Variants in ERBB4 observed in about 807,000 individuals in gnomAD.
ERBB4 encodes receptor tyrosine-protein kinase erbB-4.
Under a neutral mutation model 158.0 loss-of-function variants are expected in ERBB4, and 42 were observed. That is an observed-to-expected ratio of 0.27 (90% CI 0.21 to 0.34). ERBB4 has a LOEUF of 0.34. Among genes scored for constraint, ERBB4 ranks in the 10% least tolerant of loss-of-function variants. The pLI is 1.00. For missense variants in ERBB4, 1,333 were observed against 1,624.1 expected (o/e 0.82, Z 3.08); for synonymous variants, 583 against 558.7 (o/e 1.04, Z -0.61).
At chr2:211,727,068 T>C (rs1361734490) in intron 5 of ERBB4, among the ~76,000 whole-genome samples, 1 of 152,210 alleles carries the variant, frequency 6.6e-6, no homozygotes, top group African/African-American at 2.4e-5. Context: ...AGCTGAGTTA[T>C]TTTCTCACTA....
intron 2 of ERBB4, among the ~76,000 whole-genome samples, chr2:211,983,866 TA>T (rs1171547831): frequency 6.6e-6 from 1 of 152,196 alleles, no homozygotes; most frequent in Non-Finnish European, 1.5e-5. Flanking sequence ...TGATAATGTA[TA>T]AAAATGTCTA....
chr2:211,419,972 T>C (rs1275290718), intron 25 of ERBB4, among the ~76,000 whole-genome samples: 1 of 152,082 alleles, frequency 6.6e-6, no homozygotes. Flanking sequence ...CGGTTTTCTG[T>C]GTTTCTACTT....
chr2:211,482,922 T>C (rs1191938020), intron 20 of ERBB4, among the ~76,000 whole-genome samples: 2 of 151,558 alleles, frequency 1.3e-5, no homozygotes, highest in African/African-American at 4.8e-5. Flanking sequence ...AATAAATAAA[T>C]AAAAATTTAA....
intron 1 of ERBB4, among the ~76,000 whole-genome samples, chr2:212,169,137 T>C (rs2081434439): frequency 6.6e-6 from 1 of 152,136 alleles, no homozygotes; most frequent in African/African-American, 2.4e-5. Context: ...TAAGTTCACA[T>C]ACTGTTTGAC....
At chr2:212,433,086 G>T (rs1394791) in intron 1 of ERBB4, among the ~76,000 whole-genome samples, 25,327 of 151,940 alleles carry the variant, frequency 0.17, 2,446 homozygotes, top group Non-Finnish European at 0.22. Flanking sequence ...ATACAAATCC[G>T]ATACTACAGT....
rs375315067 is a variant in ERBB4, at chr2:211,388,032, G to A, written c.3136-40C>T. On this transcript the variant is annotated intron_variant, in intron 25 of 27. Coordinates refer to ENST00000342788, the MANE Select transcript of ERBB4 (RefSeq NM_005235.3). Reference sequence around the variant, plus strand: ...AAATGGAATGATGGATATAATAAGAGGCAATATGAATGAAAAAATTAAAAA... The same window carrying A: ...AAATGGAATGATGGATATAATAAGAAGCAATATGAATGAAAAAATTAAAAA... 6.4e-6 allele frequency: 9 copies of A among 1,406,076 alleles called. No individual in the cohort carries two copies. The African/African-American group carries it at 1.0e-4, about 16-fold the overall frequency. The allele number at this position is 1,406,076 out of a possible 1,614,324, so 87.1% of individuals were successfully genotyped here. A position where few individuals can be genotyped will look rare whatever the true frequency, so the allele number is the denominator to read the frequency against.
intron 3 of ERBB4, among the ~76,000 whole-genome samples, chr2:211,826,232 C>G (rs1036504048): frequency 1.3e-5 from 2 of 151,396 alleles, no homozygotes; most frequent in Non-Finnish European, 3.0e-5. Context: ...GTGCATAATC[C>G]TTCATTGCTT....
chr2:212,280,118 A>C (rs2085697419), intron 1 of ERBB4, among the ~76,000 whole-genome samples: 1 of 151,610 alleles, frequency 6.6e-6, no homozygotes, highest in Admixed American at 6.6e-5. Context: ...AAAATCCTAA[A>C]TCACAATGTG....
chr2:212,460,611 GGGTATC>G (rs1217930108), intron 1 of ERBB4, among the ~76,000 whole-genome samples: 4 of 152,146 alleles, frequency 2.6e-5, no homozygotes, highest in Admixed American at 2.6e-4. Flanking sequence ...AGATGATTTA[GGGTATC>G]TGGTGGAAGA....
At chr2:212,001,248 G>A (rs915313901) in intron 2 of ERBB4, among the ~76,000 whole-genome samples, 2 of 152,068 alleles carry the variant, frequency 1.3e-5, no homozygotes, top group African/African-American at 4.8e-5. Context: ...GGTTGCTGAA[G>A]TTATTGCTTC....
At chr2:212,459,709 T>A (rs1299357882) in intron 1 of ERBB4, among the ~76,000 whole-genome samples, 1 of 152,072 alleles carries the variant, frequency 6.6e-6, no homozygotes, top group African/African-American at 2.4e-5. Context: ...AGCTGCAGTA[T>A]CCAACATAGC....
At chr2:211,781,275 G>GA (rs974005085) in intron 4 of ERBB4, among the ~76,000 whole-genome samples, 6 of 151,980 alleles carry the variant, frequency 3.9e-5, no homozygotes, top group East Asian at 3.9e-4. Context: ...AAAAGTCACT[G>GA]AAAAAAAAGT....
At chr2:211,813,655 C>T (rs374439799) in intron 3 of ERBB4, among the ~76,000 whole-genome samples, 2 of 152,090 alleles carry the variant, frequency 1.3e-5, no homozygotes, top group East Asian at 3.9e-4. Flanking sequence ...ATTACTATTC[C>T]TATCCTACAA....
chr2:211,496,232 T>A (rs1367438128), intron 20 of ERBB4, among the ~76,000 whole-genome samples: 1 of 152,046 alleles, frequency 6.6e-6, no homozygotes. Flanking sequence ...CACTATATAC[T>A]GTTTCTAGGT....
chr2:212,275,626 C>A (rs1190963233), intron 1 of ERBB4, among the ~76,000 whole-genome samples: 1 of 151,724 alleles, frequency 6.6e-6, no homozygotes, highest in Non-Finnish European at 1.5e-5. Flanking sequence ...CAAGCAAATG[C>A]TGAGAGATTT....
intron 16 of ERBB4, among the ~76,000 whole-genome samples, chr2:211,642,528 T>C (rs1177271954): frequency 6.6e-6 from 1 of 152,138 alleles, no homozygotes; most frequent in African/African-American, 2.4e-5. Flanking sequence ...GGATGTACCA[T>C]CCATCTCTTT....
chr2:212,285,629 A>T (rs372693685), intron 1 of ERBB4, among the ~76,000 whole-genome samples: 1 of 152,298 alleles, frequency 6.6e-6, no homozygotes, highest in South Asian at 2.1e-4. Flanking sequence ...AAAAATGATT[A>T]TGACAAATAT....
At chr2:212,374,485 C>T (rs186694905) in intron 1 of ERBB4, among the ~76,000 whole-genome samples, 13,518 of 151,986 alleles carry the variant, frequency 0.089, 698 homozygotes, top group Admixed American at 0.12. Flanking sequence ...TAAAAGCAAA[C>T]GATGTGTGTG....
At chr2:212,319,891 C>T (rs559000869) in intron 1 of ERBB4, among the ~76,000 whole-genome samples, 1 of 150,300 alleles carries the variant, frequency 6.7e-6, no homozygotes, top group South Asian at 2.1e-4. Context: ...AACTTCATGT[C>T]GTTCCAAAGC....
Sources: gnomAD v4.1 joint callset for allele counts (sites outside exome capture counted in the v4.1 genomes callset) on GRCh38, gnomAD v4.1.1 for gene constraint, MANE v1.5 for transcripts, NCBI Gene and HGNC (gene_info 2026-07-23, HGNC 2026-07-21) for gene names.